FBN1: variants seen among roughly 807,000 people sequenced by gnomAD.
The protein encoded by FBN1 is fibrillin-1.
Under a neutral mutation model 365.1 loss-of-function variants are expected in FBN1, and 29 were observed. The observed-to-expected ratio is 0.08, with a 90% CI of 0.06 to 0.11. The LOEUF (loss-of-function observed/expected upper bound fraction) is 0.11. Among genes scored for constraint, FBN1 ranks in the 10% least tolerant of loss-of-function variants. The pLI, the probability that FBN1 is intolerant of heterozygous loss-of-function variation, is 1.00. For missense variants in FBN1, 2,476 were observed against 3,703.2 expected (o/e 0.67, Z 8.60); for synonymous variants, 1,210 against 1,270.5 (o/e 0.95, Z 1.01).
Position 48,537,772 on chromosome 15 carries a change from T to C in FBN1, c.575A>G (p.Asn192Ser), listed in dbSNP as rs578126575. 6.2e-7 allele frequency: 1 copy of C among 1,614,194 alleles called. No homozygotes were observed. The highest frequency in any genetic ancestry group is 1.1e-5 in the South Asian group (1 of 91,086). Reference sequence around the variant, plus strand: ...GCTGAGTTGTCCCTGGCACATCTGGTTGCTGATCACAGTAAAACATGGGCC... The same window carrying C: ...GCTGAGTTGTCCCTGGCACATCTGGCTGCTGATCACAGTAAAACATGGGCC... The part of the protein sequence containing the change: ...RTGPCFTVIS[N>S]QMCQGQLSGI... Residue 192 changes from asparagine to serine, a missense_variant, in exon 7 of 66, where the codon AAC (asparagine) becomes AGC (serine). Physicochemically the swap from Asn to Ser is conservative, Grantham distance 46. Coordinates refer to ENST00000316623, the MANE Select transcript of FBN1 (RefSeq NM_000138.5).
chr15:48,593,531 A>G (rs1365811925), intron 6 of FBN1, among the ~76,000 whole-genome samples: 1 of 152,210 alleles, frequency 6.6e-6, no homozygotes, highest in Non-Finnish European at 1.5e-5. Context: ...CATTGTAATC[A>G]GCTCTGTTTA....
At chr15:48,563,330 G>A (rs1490131817) in intron 6 of FBN1, among the ~76,000 whole-genome samples, 1 of 152,130 alleles carries the variant, frequency 6.6e-6, no homozygotes, top group African/African-American at 2.4e-5. Flanking sequence ...AGAGGAAGGT[G>A]AGAGAAAATG....
intron 30 of FBN1, among the ~76,000 whole-genome samples, chr15:48,484,450 C>A (rs12915240): frequency 0.11 from 16,723 of 151,724 alleles, 1,047 homozygotes; most frequent in Non-Finnish European, 0.14. Context: ...TGGCTCACTG[C>A]AACCACCGCC....
At chr15:48,421,924 A>T in intron 61 of FBN1, 28 bp downstream of exon 61, 1 of 1,474,534 alleles carries the variant, frequency 6.8e-7, no homozygotes, top group Non-Finnish European at 9.5e-7. Flanking sequence ...GCTACAATCC[A>T]TGTAGGATTT....
At chr15:48,632,660 T>C (rs1890009261) in intron 2 of FBN1, among the ~76,000 whole-genome samples, 1 of 152,160 alleles carries the variant, frequency 6.6e-6, no homozygotes, top group African/African-American at 2.4e-5. Context: ...CTTGGTCCTT[T>C]AAAATATGGT....
In FBN1 at chr15:48,615,788, G is replaced by A. The variant is rs762489373; in HGVS notation, c.165-2696C>T. On this transcript the variant is annotated intron_variant, in intron 2 of 65. Transcript: ENST00000316623. Reference sequence around the variant, plus strand: ...AGAGAAAGAGGGTACAGATACTTTAGTGAGCTAAGTCCCCATCTTTCAAAG... The same window carrying A: ...AGAGAAAGAGGGTACAGATACTTTAATGAGCTAAGTCCCCATCTTTCAAAG... 6.6e-5 allele frequency among the ~76,000 whole-genome samples: 10 copies of A among 152,154 alleles called. No homozygotes were observed. The South Asian group carries it at 8.3e-4, about 13-fold the overall frequency.
In FBN1 at chr15:48,492,528, A is replaced by G; in HGVS notation, c.2787T>C (p.Thr929=). 1 of 1,612,460 alleles carries G rather than the reference A, an allele frequency of 6.2e-7. No homozygotes were observed. The highest frequency in any genetic ancestry group is 8.5e-7 in the Non-Finnish European group (1 of 1,178,606). The change falls in exon 24 of 66, where the codon ACT becomes ACC. Residue 929 remains threonine (T), a synonymous_variant. Transcript: ENST00000316623. The part of the protein sequence containing the change: ...GVCKNGLCVN[T]RGSFKCQCPS... ...GACACTGACACTTGAATGACCCCCT[A>G]GTGTTAACACACAGGCCATTTTTAC...
chr15:48,625,602 C>T (rs1164591873), intron 2 of FBN1, among the ~76,000 whole-genome samples: 5 of 152,160 alleles, frequency 3.3e-5, no homozygotes, highest in Non-Finnish European at 5.9e-5. Context: ...TTCTCATCCT[C>T]GATGCACCTG....
intron 6 of FBN1, among the ~76,000 whole-genome samples, chr15:48,541,336 T>C (rs979531125): frequency 6.6e-6 from 1 of 152,192 alleles, no homozygotes; most frequent in African/African-American, 2.4e-5. Flanking sequence ...TATTTATCAC[T>C]ATAGACAAAG....
chr15:48,426,086 C>T (rs1336280200), intron 58 of FBN1, among the ~76,000 whole-genome samples: 2 of 152,070 alleles, frequency 1.3e-5, no homozygotes, highest in African/African-American at 4.8e-5. Context: ...ATAATTCAGC[C>T]ACAGAAAAAC....
At position 48,438,305 on chromosome 15, in the gene FBN1, T is replaced by G. The variant is rs531737591; in HGVS notation, c.6164-388A>C. Among the ~76,000 whole-genome samples, 10 of 152,310 alleles carry G rather than the reference T, an allele frequency of 6.6e-5. No individual in the cohort carries two copies. The East Asian group carries it at 1.9e-3, about 29-fold the overall frequency. ...ATTGATAGCTCTGCTTGCAATATCA[T>G]GTTTAATGAGCACACTAGAGTAAGA... On this transcript the variant is annotated intron_variant, in intron 50 of 65. Coordinates refer to ENST00000316623, the MANE Select transcript of FBN1 (RefSeq NM_000138.5).
At chr15:48,428,118 A>C (rs2042994636) in intron 57 of FBN1, 1 of 652,134 alleles carries the variant, frequency 1.5e-6, no homozygotes, top group Admixed American at 2.6e-5. Flanking sequence ...GCAGCCAAGA[A>C]ATTCCAAACA....
intron 2 of FBN1, among the ~76,000 whole-genome samples, chr15:48,629,900 T>C (rs1889952460): frequency 6.6e-6 from 1 of 152,234 alleles, no homozygotes; most frequent in African/African-American, 2.4e-5. Context: ...ACCACCTTTA[T>C]CTGTTACGCA....
intron 41 of FBN1, 143 bp downstream of exon 41, chr15:48,463,756 G>T: frequency 2.1e-6 from 2 of 943,298 alleles, no homozygotes; most frequent in Non-Finnish European, 3.3e-6. Context: ...ATTTATAGGG[G>T]AAGAGTCTCC....
chr15:48,411,883 A>T (rs371579778), intron 65 of FBN1, among the ~76,000 whole-genome samples: 197 of 152,366 alleles, frequency 1.3e-3, no homozygotes, highest in African/African-American at 4.5e-3. Flanking sequence ...GAAGAACCAG[A>T]CTATTTCAAT....
At chr15:48,419,030 G>A (rs2042920817) in intron 63 of FBN1, among the ~76,000 whole-genome samples, 1 of 152,130 alleles carries the variant, frequency 6.6e-6, no homozygotes, top group African/African-American at 2.4e-5. Flanking sequence ...CAGCCACCTG[G>A]GAGTGAGGAT....
intron 32 of FBN1, among the ~76,000 whole-genome samples, chr15:48,479,222 C>G (rs12902728): frequency 0.2 from 30,501 of 152,040 alleles, 3,397 homozygotes; most frequent in East Asian, 0.36. Context: ...AGTGACATGG[C>G]ATTCAAAAAA....
intron 6 of FBN1, among the ~76,000 whole-genome samples, chr15:48,549,191 G>A (rs1375991736): frequency 3.9e-5 from 6 of 152,204 alleles, no homozygotes; most frequent in Non-Finnish European, 8.8e-5. Flanking sequence ...CCACAATTGG[G>A]ACTTGGTAGG....
At chr15:48,483,739 G>T in intron 31 of FBN1, 79 bp downstream of exon 31, 1 of 1,542,358 alleles carries the variant, frequency 6.5e-7, no homozygotes, top group South Asian at 1.1e-5. Flanking sequence ...TTCTATCACT[G>T]ACCCAAACTA....
Sources: allele counts gnomAD v4.1 joint callset (sites outside exome capture counted in the v4.1 genomes callset), GRCh38; gene constraint gnomAD v4.1.1; transcripts MANE v1.5; gene names NCBI Gene and HGNC (gene_info 2026-07-23, HGNC 2026-07-21).